TSHZ2: variants seen among roughly 807,000 people sequenced by gnomAD.
The protein encoded by TSHZ2 is teashirt zinc finger homeobox 2, also known as teashirt homolog 2.
In TSHZ2, 21 loss-of-function variants were observed where a neutral mutation model predicts 74.4. The ratio of observed to expected loss-of-function variants is 0.28; its 90% CI spans 0.20 to 0.41. The LOEUF (loss-of-function observed/expected upper bound fraction) is 0.41, where lower values mean the gene tolerates loss of function less well. Among genes scored for constraint, TSHZ2 ranks in the 10% least tolerant of loss-of-function variants. The pLI is 1.00. For synonymous variants in TSHZ2, 540 were observed against 515.3 expected (o/e 1.05, Z -0.65); for missense variants, 1,244 against 1,293.5 (o/e 0.96, Z 0.59).
chr20:53,239,916 ATG>A lies in TSHZ2; in HGVS notation c.41-13580_41-13579del, dbSNP rs554988297. Among the ~76,000 whole-genome samples the A allele has an allele frequency of 5.9e-5, 9 of 152,300 alleles. No homozygotes were observed. In the East Asian group the frequency reaches 1.5e-3, roughly 26 times the overall value. On this transcript the variant is annotated intron_variant, in intron 1 of 2. Transcript: ENST00000371497. ...AGTAACGGCTATACAAAACTATAAA[ATG>A]TGCGCATACAAATTAGATATATTAT...
chr20:53,366,678 G>C (rs1414740112), intron 2 of TSHZ2, among the ~76,000 whole-genome samples: 2 of 152,182 alleles, frequency 1.3e-5, no homozygotes, highest in South Asian at 2.1e-4. Context: ...AGGCCCCACT[G>C]CGTATTAGAC....
chr20:53,358,329 CTTTTTTTTTTTTTT>C (rs57906027), intron 2 of TSHZ2, among the ~76,000 whole-genome samples: 3 of 67,046 alleles, frequency 4.5e-5, no homozygotes, highest in Admixed American at 1.9e-4. Flanking sequence ...TTCTGTGGTT[CTTTTTTTTTTTTTT>C]TTTTTTTTTT....
chr20:53,234,540 C>T (rs1989897234), intron 1 of TSHZ2, among the ~76,000 whole-genome samples: 2 of 152,068 alleles, frequency 1.3e-5, no homozygotes, highest in Non-Finnish European at 2.9e-5. Flanking sequence ...AAAAATAGAA[C>T]AGAAGAAGGG....
At chr20:53,059,937 A>G (rs1984766569) in intron 1 of TSHZ2, among the ~76,000 whole-genome samples, 2 of 152,160 alleles carry the variant, frequency 1.3e-5, no homozygotes, top group Non-Finnish European at 2.9e-5. Flanking sequence ...TTGCAGATGT[A>G]GCATTATGGT....
At chr20:53,359,413 C>CA (rs1427819741) in intron 2 of TSHZ2, among the ~76,000 whole-genome samples, 2 of 151,972 alleles carry the variant, frequency 1.3e-5, no homozygotes, top group Non-Finnish European at 2.9e-5. Context: ...ATTCTCAAAT[C>CA]AAAAAATCTC....
chr20:53,041,373 T>G (rs1163450142), intron 1 of TSHZ2, among the ~76,000 whole-genome samples: 1 of 152,220 alleles, frequency 6.6e-6, no homozygotes, highest in Non-Finnish European at 1.5e-5. Flanking sequence ...CAGATTTACT[T>G]TTTAACATTT....
At chr20:53,044,423 C>T (rs1001726695) in intron 1 of TSHZ2, among the ~76,000 whole-genome samples, 19 of 152,130 alleles carry the variant, frequency 1.2e-4, no homozygotes, top group African/African-American at 3.1e-4. Context: ...GAGTGAGCTG[C>T]GAGTGAAGTT....
At chr20:53,277,578 G>C (rs6097328) in intron 2 of TSHZ2, among the ~76,000 whole-genome samples, 4,034 of 152,254 alleles carry the variant, frequency 0.026, 166 homozygotes, top group African/African-American at 0.092. Flanking sequence ...CCACCTTTCA[G>C]CTCAGGTGTT....
chr20:53,050,120 T>TAC (rs1568736249), intron 1 of TSHZ2, among the ~76,000 whole-genome samples: 11 of 74,596 alleles, frequency 1.5e-4, no homozygotes, highest in African/African-American at 3.2e-4. Context: ...TATATATATA[T>TAC]ATATACACAT....
intron 1 of TSHZ2, among the ~76,000 whole-genome samples, chr20:53,188,812 G>A (rs544432150): frequency 1.3e-4 from 20 of 151,988 alleles, no homozygotes; most frequent in Non-Finnish European, 2.2e-4. Context: ...CGGTTCTTAC[G>A]TATATAAGAA....
At chr20:53,287,024 A>C (rs1401280381) in intron 2 of TSHZ2, among the ~76,000 whole-genome samples, 1 of 152,130 alleles carries the variant, frequency 6.6e-6, no homozygotes. Flanking sequence ...CAAGGAAGTG[A>C]AGCGAATGCA....
At chr20:53,245,165 G>A (rs1483477490) in intron 1 of TSHZ2, among the ~76,000 whole-genome samples, 1 of 152,182 alleles carries the variant, frequency 6.6e-6, no homozygotes, top group Admixed American at 6.6e-5. Context: ...ATACTCTAAA[G>A]CATCTTAAGA....
rs567923268 is a variant in TSHZ2, at chr20:53,204,473, ATATAGT to A, written c.41-49021_41-49016del. 9.2e-5 allele frequency among the ~76,000 whole-genome samples: 14 copies of A among 151,602 alleles called. No homozygotes were observed. The East Asian group carries it at 1.6e-3, about 17-fold the overall frequency. On this transcript the variant is annotated intron_variant, in intron 1 of 2. Transcript: ENST00000371497. ...TTTTGGACATACTAGGTTAAATAAG[ATATAGT>A]TATATAAATCAATTTCACTTATTTC... is the stretch of plus-strand genomic sequence containing the variant.
chr20:53,402,226 C>T (rs1982694310), intron 2 of TSHZ2, among the ~76,000 whole-genome samples: 1 of 152,190 alleles, frequency 6.6e-6, no homozygotes, highest in Non-Finnish European at 1.5e-5. Context: ...AGTGGGAGTG[C>T]TGGATCAAAT....
chr20:53,163,591 T>C (rs1987998440), intron 1 of TSHZ2, among the ~76,000 whole-genome samples: 3 of 152,110 alleles, frequency 2.0e-5, no homozygotes, highest in Non-Finnish European at 4.4e-5. Flanking sequence ...CTCCCAATGC[T>C]GTCTCTTGAA....
At chr20:53,387,109 C>T (rs950552441) in intron 2 of TSHZ2, among the ~76,000 whole-genome samples, 6 of 152,146 alleles carry the variant, frequency 3.9e-5, no homozygotes, top group South Asian at 2.1e-4. Context: ...AGACAGAGAG[C>T]GTCTTTAGAA....
chr20:53,323,900 C>T (rs1370722747), intron 2 of TSHZ2, among the ~76,000 whole-genome samples: 1 of 152,046 alleles, frequency 6.6e-6, no homozygotes, highest in Non-Finnish European at 1.5e-5. Context: ...TTTATTACAT[C>T]CTCTTGATCA....
chr20:53,242,059 C>G (rs982011079), intron 1 of TSHZ2, among the ~76,000 whole-genome samples: 1 of 152,168 alleles, frequency 6.6e-6, no homozygotes, highest in African/African-American at 2.4e-5. Flanking sequence ...TCATTGACAA[C>G]TAGAAAGAGC....
intron 2 of TSHZ2, among the ~76,000 whole-genome samples, chr20:53,259,272 A>G (rs547384861): frequency 8.5e-5 from 13 of 152,352 alleles, no homozygotes; most frequent in Non-Finnish European, 1.5e-5. Flanking sequence ...TTAACCTATC[A>G]ATGTTTTTTG....
Sources: gnomAD v4.1 joint callset for allele counts (sites outside exome capture counted in the v4.1 genomes callset) on GRCh38, gnomAD v4.1.1 for gene constraint, MANE v1.5 for transcripts, NCBI Gene and HGNC (gene_info 2026-07-23, HGNC 2026-07-21) for gene names.